Variants in RBFOX1 observed in about 807,000 individuals in gnomAD.
The protein encoded by RBFOX1 is RNA binding fox-1 homolog 1.
RBFOX1 carries 8 observed loss-of-function variants against 57.7 expected under a neutral mutation model. The observed-to-expected ratio is 0.14, with a 90% CI of 0.08 to 0.25. RBFOX1 has a LOEUF of 0.25. Ranked by LOEUF, RBFOX1 falls within the 10% of genes least tolerant of loss-of-function variation. The pLI is 1.00. For missense variants in RBFOX1, 611 were observed against 548.5 expected (o/e 1.11, Z -1.14); for synonymous variants, 326 against 222.4 (o/e 1.47, Z -4.15).
At chr16:6,194,315 G>A (rs2097166066) in intron 1 of RBFOX1, among the ~76,000 whole-genome samples, 1 of 152,092 alleles carries the variant, frequency 6.6e-6, no homozygotes, top group African/African-American at 2.4e-5. Context: ...GCTGCAACGA[G>A]CTTCTAATTG....
In RBFOX1 at chr16:6,451,875, T is replaced by C. The variant is rs534508484; in HGVS notation, c.-64+134818T>C. On this transcript the variant is annotated intron_variant, in intron 2 of 15. Transcript: ENST00000550418. ...TTCCATCCATGGCTCCTTCCTTCCA[T>C]GACTCCATCCATGGCCACTCCCTCC... Among the ~76,000 whole-genome samples the C allele has an allele frequency of 2.6e-4, 40 of 151,568 alleles. 1 individual carries two copies. The highest frequency in any genetic ancestry group is 9.2e-4 in the African/African-American group (38 of 41,396).
chr16:6,956,141 A>G (rs1244931624), intron 3 of RBFOX1, among the ~76,000 whole-genome samples: 1 of 152,138 alleles, frequency 6.6e-6, no homozygotes, highest in African/African-American at 2.4e-5. Flanking sequence ...TGGGACCTGG[A>G]CAGATTGCTA....
chr16:5,376,847 A>G lies in RBFOX1; in HGVS notation c.220-90369A>G, dbSNP rs115827624. On this transcript the variant is annotated intron_variant, in intron 1 of 2. Transcript: ENST00000585867. ...CAGCCTCAGCCAGTGATGTTGCCCC[A>G]TGGCAGGGGGAGCAGGTTCTGCGTC... Among the ~76,000 whole-genome samples, 946 of 150,408 alleles carry G rather than the reference A, an allele frequency of 6.3e-3. 66 individuals carry two copies. The highest frequency in any genetic ancestry group is 0.022 in the African/African-American group (902 of 40,408).
At position 6,913,910 on chromosome 16, in the gene RBFOX1, C is replaced by T. The variant is rs556614327; in HGVS notation, c.-15-138147C>T. ...TCTCAACTGTGTAACTTTTATAAAG[C>T]AAACACTAAAGGCCTCTTGGGGTGA... On this transcript the variant is annotated intron_variant, in intron 3 of 15. Transcript: ENST00000550418. Among the ~76,000 whole-genome samples the T allele has an allele frequency of 6.6e-5, 10 of 152,280 alleles. No homozygotes were observed. In the South Asian group the frequency reaches 2.1e-3, roughly 32 times the overall value.
At chr16:7,452,722 C>G (rs992214921) in intron 4 of RBFOX1, among the ~76,000 whole-genome samples, 7 of 152,138 alleles carry the variant, frequency 4.6e-5, no homozygotes, top group African/African-American at 1.7e-4. Flanking sequence ...ATTCCCTATT[C>G]TTAGGATAAA....
intron 2 of RBFOX1, among the ~76,000 whole-genome samples, chr16:6,621,357 G>T (rs564437674): frequency 3.9e-5 from 6 of 152,108 alleles, no homozygotes; most frequent in African/African-American, 1.4e-4. Context: ...CCAGCTACTC[G>T]GGAGGCTGAG....
At chr16:6,624,191 A>G (rs1012737966) in intron 2 of RBFOX1, among the ~76,000 whole-genome samples, 1 of 152,230 alleles carries the variant, frequency 6.6e-6, no homozygotes, top group Admixed American at 6.5e-5. Flanking sequence ...TAAATGCTAT[A>G]TTTAAGCACA....
intron 1 of RBFOX1, among the ~76,000 whole-genome samples, chr16:6,250,085 C>A (rs1455994939): frequency 6.6e-6 from 1 of 152,060 alleles, no homozygotes; most frequent in African/African-American, 2.4e-5. Flanking sequence ...GTGAGAACAG[C>A]CCCTTGCAGA....
chr16:7,646,023 G>C (rs1241565070), intron 11 of RBFOX1, among the ~76,000 whole-genome samples: 1 of 138,832 alleles, frequency 7.2e-6, no homozygotes, highest in African/African-American at 2.7e-5. Flanking sequence ...TTCCATTTTT[G>C]TTTGGAGCTA....
At chr16:6,032,508 G>A (rs986398166) in intron 1 of RBFOX1, among the ~76,000 whole-genome samples, 2 of 152,166 alleles carry the variant, frequency 1.3e-5, no homozygotes, top group African/African-American at 4.8e-5. Flanking sequence ...CTGTCTTTAC[G>A]TAATTTGGTG....
chr16:6,260,134 C>T (rs2097692983), intron 1 of RBFOX1, among the ~76,000 whole-genome samples: 2 of 152,124 alleles, frequency 1.3e-5, no homozygotes, highest in South Asian at 4.1e-4. Flanking sequence ...TAGCCATTGC[C>T]TCTACAGAAA....
chr16:6,841,000 C>G (rs570935297), intron 3 of RBFOX1, among the ~76,000 whole-genome samples: 2 of 152,150 alleles, frequency 1.3e-5, no homozygotes, highest in Admixed American at 6.5e-5. Flanking sequence ...GACACTGAAT[C>G]TGCCAGCACC....
intron 2 of RBFOX1, among the ~76,000 whole-genome samples, chr16:6,617,000 A>G (rs768940279): frequency 6.6e-6 from 1 of 152,174 alleles, no homozygotes; most frequent in Non-Finnish European, 1.5e-5. Flanking sequence ...CTTTGAAGAT[A>G]CATACTATCT....
chr16:6,029,653 G>A (rs1054245318), intron 1 of RBFOX1, among the ~76,000 whole-genome samples: 11 of 151,164 alleles, frequency 7.3e-5, no homozygotes, highest in African/African-American at 2.7e-4. Flanking sequence ...GGTGCCTGTA[G>A]TCCCAGCTAC....
intron 5 of RBFOX1, among the ~76,000 whole-genome samples, chr16:7,521,044 A>T (rs946210249): frequency 6.6e-6 from 1 of 152,178 alleles, no homozygotes; most frequent in Non-Finnish European, 1.5e-5. Flanking sequence ...TGTCTTAAGG[A>T]AAATATGGGT....
exon 3 of RBFOX1, chr16:5,598,981 T>A (rs1448736515): frequency 1.3e-6 from 2 of 1,515,128 alleles, no homozygotes; most frequent in Non-Finnish European, 1.8e-6. Context: ...AGCATTTTGC[T>A]GAACAGATTA....
chr16:5,488,770 A>G (rs566875313), intron 2 of RBFOX1, among the ~76,000 whole-genome samples: 2 of 144,032 alleles, frequency 1.4e-5, no homozygotes, highest in Non-Finnish European at 3.0e-5. Flanking sequence ...GGTGATGATG[A>G]TGATTATGGG....
chr16:7,461,901 A>C (rs889143713), intron 4 of RBFOX1, among the ~76,000 whole-genome samples: 8 of 151,802 alleles, frequency 5.3e-5, no homozygotes, highest in African/African-American at 1.7e-4. Context: ...CTTGGTACCC[A>C]CTCCAGAGAG....
chr16:5,619,570 C>T lies in RBFOX1; in HGVS notation c.318+20609C>T, dbSNP rs80156361. 8.7e-3 allele frequency among the ~76,000 whole-genome samples: 1,325 copies of T among 152,264 alleles called. 12 individuals carry two copies. The highest frequency in any genetic ancestry group is 0.03 in the African/African-American group (1,232 of 41,544). On this transcript the variant is annotated intron_variant, in intron 3 of 19. Coordinates refer to the RBFOX1 transcript ENST00000641259. ...ATTGAAAATCTCGCCAGACTGCCTC[C>T]GGACAGAGCTTTTCCATCAGCTGTG...
Sources: gnomAD v4.1 joint callset for allele counts (sites outside exome capture counted in the v4.1 genomes callset) on GRCh38, gnomAD v4.1.1 for gene constraint, MANE v1.5 for transcripts, NCBI Gene and HGNC (gene_info 2026-07-23, HGNC 2026-07-21) for gene names.